The following AGMO variants were observed in gnomAD, a reference collection of about 807,000 sequenced individuals.
The protein encoded by AGMO is alkylglycerol monooxygenase.
In AGMO, 75 loss-of-function variants were observed where a neutral mutation model predicts 60.2. That is an observed-to-expected ratio of 1.25 (90% CI 1.03 to 1.51). The LOEUF is 1.51. Ranked by LOEUF, AGMO falls within the 40% of genes most tolerant of loss-of-function variation. AGMO has a pLI of 0.00. For synonymous variants in AGMO, 261 were observed against 177.1 expected (o/e 1.47, Z -3.76); for missense variants, 763 against 525.5 (o/e 1.45, Z -4.42).
intron 5 of AGMO, among the ~76,000 whole-genome samples, chr7:15,409,927 T>C (rs544269649): frequency 2.6e-5 from 4 of 151,826 alleles, no homozygotes; most frequent in Non-Finnish European, 4.4e-5. Context: ...TAATGAGTTG[T>C]TATTGAAAAT....
chr7:15,165,232 T>C, the AGMO span, among the ~76,000 whole-genome samples: 1 of 151,616 alleles, frequency 6.6e-6, no homozygotes, highest in Non-Finnish European at 1.5e-5. Flanking sequence ...ATGCTAAAAG[T>C]GGGGAGGGAG....
chr7:15,559,897 A>G (rs1299203015), intron 2 of AGMO, among the ~76,000 whole-genome samples: 1 of 152,158 alleles, frequency 6.6e-6, no homozygotes, highest in Admixed American at 6.6e-5. Flanking sequence ...AATAAGGCAA[A>G]TGAAGCACTC....
intron 3 of AGMO, among the ~76,000 whole-genome samples, chr7:15,531,062 G>A (rs71540708): frequency 0.35 from 5,013 of 14,204 alleles, 1,572 homozygotes; most frequent in East Asian, 0.76. Context: ...TATATATTCT[G>A]TATATATTCT....
chr7:15,387,663 TAGAGCAAC>T (rs2128483952), intron 8 of AGMO, 123 bp from the exon 9 acceptor site: 2 of 797,780 alleles, frequency 2.5e-6, no homozygotes, highest in African/African-American at 3.5e-5. Flanking sequence ...TATGCCTGAT[TAGAGCAAC>T]AGAAATGTGT....
chr7:15,334,401 A>G (rs1481368717), intron 12 of AGMO, among the ~76,000 whole-genome samples: 3 of 152,032 alleles, frequency 2.0e-5, no homozygotes, highest in Non-Finnish European at 2.9e-5. Context: ...CATTTAAAAA[A>G]TTAAGTCGCT....
chr7:15,553,786 G>T (rs1283974666), intron 2 of AGMO, among the ~76,000 whole-genome samples: 1 of 151,994 alleles, frequency 6.6e-6, no homozygotes, highest in Non-Finnish European at 1.5e-5. Flanking sequence ...CTGTACAGGT[G>T]CCAGGTCTTG....
At chr7:15,467,711 A>T (rs1782331709) in intron 3 of AGMO, among the ~76,000 whole-genome samples, 1 of 152,178 alleles carries the variant, frequency 6.6e-6, no homozygotes, top group Non-Finnish European at 1.5e-5. Context: ...TATTTTTGGA[A>T]TATTATTTCT....
intron 12 of AGMO, among the ~76,000 whole-genome samples, chr7:15,270,978 T>C (rs1228678889): frequency 6.6e-6 from 1 of 152,030 alleles, no homozygotes; most frequent in South Asian, 2.1e-4. Flanking sequence ...TGTGTAGGTA[T>C]GTGCCTTTAT....
chr7:15,432,951 A>G (rs752328971), intron 3 of AGMO, among the ~76,000 whole-genome samples: 7 of 151,992 alleles, frequency 4.6e-5, no homozygotes, highest in Non-Finnish European at 1.0e-4. Context: ...GAATCCCCTA[A>G]AGTTTAAAAA....
chr7:15,256,589 C>T (rs1783106992), intron 12 of AGMO, among the ~76,000 whole-genome samples: 1 of 152,136 alleles, frequency 6.6e-6, no homozygotes, highest in Admixed American at 6.6e-5. Flanking sequence ...GTCTAGATCT[C>T]CTGACCTCGT....
intron 5 of AGMO, among the ~76,000 whole-genome samples, chr7:15,417,857 T>C (rs1243359582): frequency 1.3e-5 from 2 of 152,160 alleles, no homozygotes; most frequent in Admixed American, 6.6e-5. Flanking sequence ...TTCCAATAAA[T>C]ACCAAATGTT....
At chr7:15,176,900 T>C in the AGMO span, among the ~76,000 whole-genome samples, 1 of 151,950 alleles carries the variant, frequency 6.6e-6, no homozygotes, top group African/African-American at 2.4e-5. Flanking sequence ...TAAACAATAG[T>C]TTCTGGGACC....
intron 12 of AGMO, among the ~76,000 whole-genome samples, chr7:15,246,589 G>C (rs185319430): frequency 6.6e-6 from 1 of 152,162 alleles, no homozygotes. Context: ...TATTTTTACT[G>C]TTTTATCTCT....
chr7:15,244,580 G>A (rs1782686117), intron 12 of AGMO, among the ~76,000 whole-genome samples: 1 of 152,116 alleles, frequency 6.6e-6, no homozygotes, highest in Non-Finnish European at 1.5e-5. Context: ...TTGATGATGA[G>A]ACCAGTACTT....
At chr7:15,360,370 C>T (rs913838009) in intron 12 of AGMO, among the ~76,000 whole-genome samples, 1 of 152,156 alleles carries the variant, frequency 6.6e-6, no homozygotes, top group Non-Finnish European at 1.5e-5. Context: ...TTCACCTCCC[C>T]GGAAAATGTA....
chr7:15,493,334 AAC>A lies in AGMO; in HGVS notation c.409+51436_409+51437del, dbSNP rs144549105. ...GACACACACGCGCACAAACACACAA[AAC>A]ACACACACACACACACACACACACA... On this transcript the variant is annotated intron_variant, in intron 3 of 12. Transcript: ENST00000342526. 1.2e-3 allele frequency among the ~76,000 whole-genome samples: 81 copies of A among 70,360 alleles called. 1 individual carries two copies. Among genetic ancestry groups the A allele is most frequent in the African/African-American group, 2.1e-3 (38 of 17,716 alleles). The allele number at this position is 70,360 out of a possible 152,430, so 46.2% of individuals were successfully genotyped here.
rs960494952 is a variant in AGMO at position 15,390,924 on chromosome 7, G to C, written c.677-19C>G. On this transcript the variant is annotated intron_variant, in intron 6 of 12. Coordinates refer to ENST00000342526, the MANE Select transcript of AGMO (RefSeq NM_001004320.2). ...TTTCTGCCTATGAGACAAAATATTAGAAATTTTTTTTCAGAAAAATAGTTA... is the reference window on the plus strand; with the variant it reads ...TTTCTGCCTATGAGACAAAATATTACAAATTTTTTTTCAGAAAAATAGTTA... The C allele has an allele frequency of 1.3e-6, 2 of 1,521,974 alleles. No individual in the cohort carries two copies. Among genetic ancestry groups the C allele is most frequent in the African/African-American group, 2.8e-5 (2 of 71,684 alleles). 94.3% of individuals were successfully genotyped at this position (1,521,974 alleles called of 1,614,324 possible).
chr7:15,460,968 G>T (rs2128508633), intron 3 of AGMO, among the ~76,000 whole-genome samples: 1 of 152,236 alleles, frequency 6.6e-6, no homozygotes. Context: ...TATGAATTAT[G>T]TTGTAGTAAT....
chr7:15,551,783 A>G (rs558205404), intron 2 of AGMO, among the ~76,000 whole-genome samples: 1 of 151,898 alleles, frequency 6.6e-6, no homozygotes, highest in Admixed American at 6.5e-5. Flanking sequence ...CCATAAAGCT[A>G]CCAATGACTT....
Sources: gnomAD v4.1 joint callset for allele counts (sites outside exome capture counted in the v4.1 genomes callset) on GRCh38, gnomAD v4.1.1 for gene constraint, MANE v1.5 for transcripts, NCBI Gene and HGNC (gene_info 2026-07-23, HGNC 2026-07-21) for gene names.